ANKS1B: variants seen among roughly 807,000 people sequenced by gnomAD.
ANKS1B encodes ankyrin repeat and sterile alpha motif domain-containing protein 1B.
A neutral mutation model predicts 148.3 loss-of-function variants in ANKS1B; 36 were observed. The ratio of observed to expected loss-of-function variants is 0.24; its 90% CI spans 0.19 to 0.32. ANKS1B has a LOEUF of 0.32. Among genes scored for constraint, ANKS1B ranks in the 10% least tolerant of loss-of-function variants. The probability of loss-of-function intolerance (pLI) is 1.00; values close to 1 mark genes in which losing one functional copy is unlikely to be tolerated. For missense variants in ANKS1B, 1,157 were observed against 1,542.6 expected (o/e 0.75, Z 4.19); for synonymous variants, 542 against 560.8 (o/e 0.97, Z 0.47).
At chr12:99,851,811 G>A (rs1238656637) in intron 1 of ANKS1B, among the ~76,000 whole-genome samples, 2 of 152,170 alleles carry the variant, frequency 1.3e-5, no homozygotes, top group Non-Finnish European at 2.9e-5. Flanking sequence ...AATTAACTAT[G>A]CAGTATGTAT....
intron 15 of ANKS1B, among the ~76,000 whole-genome samples, chr12:99,139,835 C>T (rs1053590980): frequency 1.3e-5 from 2 of 151,974 alleles, no homozygotes; most frequent in Non-Finnish European, 2.9e-5. Context: ...GAATGGATAA[C>T]CCTCCTGGGA....
At chr12:99,452,392 A>G (rs2095757571) in intron 10 of ANKS1B, among the ~76,000 whole-genome samples, 1 of 152,218 alleles carries the variant, frequency 6.6e-6, no homozygotes, top group East Asian at 1.9e-4. Context: ...CTCACTGTGT[A>G]ATTAAAAACT....
chr12:99,443,640 T>G (rs1417990414), intron 11 of ANKS1B, 33 bp downstream of exon 11: 14 of 1,608,002 alleles, frequency 8.7e-6, no homozygotes, highest in Non-Finnish European at 1.2e-5. Context: ...CAAAACACAT[T>G]AGAGGGAAAA....
At chr12:98,796,755 C>G (rs540671540) in intron 22 of ANKS1B, among the ~76,000 whole-genome samples, 1 of 152,016 alleles carries the variant, frequency 6.6e-6, no homozygotes, top group Admixed American at 6.6e-5. Flanking sequence ...CAGAAAAATG[C>G]CCCCCAAAAC....
At chr12:98,830,127 G>C (rs75025886) in intron 18 of ANKS1B, among the ~76,000 whole-genome samples, 9,668 of 152,116 alleles carry the variant, frequency 0.064, 491 homozygotes, top group African/African-American at 0.14. Flanking sequence ...TTCAGAAGGG[G>C]AAGGAAAAAG....
At chr12:99,791,783 A>G (rs7484973) in intron 4 of ANKS1B, among the ~76,000 whole-genome samples, 151,744 of 151,870 alleles carry the variant, frequency 1, 75,809 homozygotes, top group Middle Eastern at 1. Flanking sequence ...ATAGCCATCA[A>G]TGCCTACATC....
At chr12:99,811,027 T>C (rs928572720) in intron 3 of ANKS1B, among the ~76,000 whole-genome samples, 1 of 151,968 alleles carries the variant, frequency 6.6e-6, no homozygotes, top group African/African-American at 2.4e-5. Context: ...TGCATTCTTA[T>C]TAAAATTTCT....
intron 12 of ANKS1B, among the ~76,000 whole-genome samples, chr12:99,265,841 C>T (rs1038376692): frequency 1.3e-5 from 2 of 152,132 alleles, no homozygotes; most frequent in Non-Finnish European, 2.9e-5. Context: ...AAGTCTTCTC[C>T]AGTTACTACC....
chr12:99,685,075 A>G (rs2098642042), intron 8 of ANKS1B, among the ~76,000 whole-genome samples: 1 of 152,192 alleles, frequency 6.6e-6, no homozygotes, highest in African/African-American at 2.4e-5. Context: ...AGATAAATAG[A>G]TAAGACTCAA....
intron 1 of ANKS1B, among the ~76,000 whole-genome samples, chr12:99,867,899 A>C (rs1485072409): frequency 1.3e-5 from 2 of 152,238 alleles, no homozygotes; most frequent in Non-Finnish European, 2.9e-5. Context: ...AATCGTGAAC[A>C]TGAGTACAAA....
At chr12:99,290,657 A>C (rs777106619) in intron 12 of ANKS1B, among the ~76,000 whole-genome samples, 3 of 152,126 alleles carry the variant, frequency 2.0e-5, no homozygotes, top group Non-Finnish European at 4.4e-5. Flanking sequence ...TATCAACAGA[A>C]TAAAGGGAAA....
intron 17 of ANKS1B, among the ~76,000 whole-genome samples, chr12:98,852,850 T>C (rs1305189346): frequency 2.0e-5 from 3 of 152,132 alleles, no homozygotes; most frequent in Non-Finnish European, 4.4e-5. Context: ...GTGAGTACTT[T>C]GCAAAGGAAC....
intron 15 of ANKS1B, among the ~76,000 whole-genome samples, chr12:99,104,325 A>C (rs1600094720): frequency 6.6e-6 from 1 of 152,192 alleles, no homozygotes; most frequent in East Asian, 1.9e-4. Context: ...GTTATTTGCT[A>C]ATCTTACTTT....
Position 99,259,199 on chromosome 12 carries a change from C to G in ANKS1B, c.1757-12335G>C, listed in dbSNP as rs375216934. Among the ~76,000 whole-genome samples, 32 of 152,330 alleles carry G rather than the reference C, an allele frequency of 2.1e-4. No individual in the cohort carries two copies. In the East Asian group the frequency reaches 6.0e-3, roughly 28 times the overall value. On this transcript the variant is annotated intron_variant, in intron 12 of 26. Transcript: ENST00000683438. ...ACTGGAGTGTCCTATCCAAGTAGCA[C>G]TGGAGCTTGAAAACCACCCAGTGGG... is the stretch of plus-strand genomic sequence containing the variant.
intron 4 of ANKS1B, among the ~76,000 whole-genome samples, chr12:99,802,912 TAAAA>T (rs11322453): frequency 7.1e-6 from 1 of 141,788 alleles, no homozygotes. Context: ...ACCCTGCCTT[TAAAA>T]AAAAAAAAAA....
intron 17 of ANKS1B, among the ~76,000 whole-genome samples, chr12:98,971,629 C>A (rs1404031449): frequency 1.3e-5 from 2 of 152,142 alleles, no homozygotes; most frequent in Non-Finnish European, 2.9e-5. Flanking sequence ...AAATGAAGGG[C>A]TGTGTGTCTT....
At chr12:99,283,407 A>T (rs2078725885) in intron 12 of ANKS1B, among the ~76,000 whole-genome samples, 2 of 152,142 alleles carry the variant, frequency 1.3e-5, no homozygotes, top group Non-Finnish European at 2.9e-5. Flanking sequence ...TTTTTCAGTG[A>T]TAGAGCTCAC....
At chr12:99,750,241 G>A (rs2060979875) in intron 8 of ANKS1B, among the ~76,000 whole-genome samples, 1 of 151,926 alleles carries the variant, frequency 6.6e-6, no homozygotes, top group South Asian at 2.1e-4. Context: ...ACTCTAAACA[G>A]AAGTAAAAGA....
At chr12:99,852,870 G>A (rs1362564703) in intron 1 of ANKS1B, among the ~76,000 whole-genome samples, 3 of 152,218 alleles carry the variant, frequency 2.0e-5, no homozygotes, top group Non-Finnish European at 4.4e-5. Flanking sequence ...GTTCTATTGG[G>A]AGGGCACAGT....
Sources: allele counts gnomAD v4.1 joint callset (sites outside exome capture counted in the v4.1 genomes callset), GRCh38; gene constraint gnomAD v4.1.1; transcripts MANE v1.5; gene names NCBI Gene and HGNC (gene_info 2026-07-23, HGNC 2026-07-21).